ZDHHC2: variants seen among roughly 807,000 people sequenced by gnomAD.
The protein encoded by ZDHHC2 is zDHHC palmitoyltransferase 2.
A neutral mutation model predicts 55.6 loss-of-function variants in ZDHHC2; 51 were observed. The observed-to-expected ratio is 0.92, with a 90% CI of 0.73 to 1.16. The LOEUF is 1.16. Among genes scored for constraint, ZDHHC2 ranks in the 50% most tolerant of loss-of-function variants. The probability of loss-of-function intolerance (pLI) is 0.00; values close to 1 mark genes in which losing one functional copy is unlikely to be tolerated. For synonymous variants in ZDHHC2, 199 were observed against 152.9 expected (o/e 1.30, Z -2.22); for missense variants, 491 against 442.4 (o/e 1.11, Z -0.99).
chr8:17,157,497 A>G (rs993907185), intron 1 of ZDHHC2: 3 of 152,236 alleles, frequency 2.0e-5, no homozygotes, highest in Non-Finnish European at 4.4e-5. Flanking sequence ...AGGGAGAGAA[A>G]AAAAGAGGTG....
intron 10 of ZDHHC2, among the ~76,000 whole-genome samples, chr8:17,211,788 G>C (rs1807395936): frequency 6.6e-6 from 1 of 152,062 alleles, no homozygotes; most frequent in Non-Finnish European, 1.5e-5. Flanking sequence ...ATGGGCATCA[G>C]AGTTTTTTAC....
At chr8:17,178,901 A>G (rs1210281947) in intron 1 of ZDHHC2, among the ~76,000 whole-genome samples, 1 of 152,210 alleles carries the variant, frequency 6.6e-6, no homozygotes, top group East Asian at 1.9e-4. Context: ...TACCAATTCT[A>G]AACTGAGGAC....
At chr8:17,182,546 A>T (rs1265722696) in intron 1 of ZDHHC2, among the ~76,000 whole-genome samples, 1 of 152,180 alleles carries the variant, frequency 6.6e-6, no homozygotes, top group African/African-American at 2.4e-5. Flanking sequence ...TTACACAATT[A>T]TTTACTATAA....
At chr8:17,203,014 A>G (rs1304758336) in intron 6 of ZDHHC2, among the ~76,000 whole-genome samples, 1 of 150,386 alleles carries the variant, frequency 6.6e-6, no homozygotes, top group Non-Finnish European at 1.5e-5. Flanking sequence ...ATCCCTTCCA[A>G]TTTCTTCCTA....
At chr8:17,217,048 C>A in intron 11 of ZDHHC2, 124 bp from the exon 12 acceptor site, 6 of 814,784 alleles carry the variant, frequency 7.4e-6, no homozygotes, top group Non-Finnish European at 1.2e-5. Context: ...TTATATATAC[C>A]CTTATTATGT....
At chr8:17,166,288 C>G (rs1359457869) in intron 1 of ZDHHC2, among the ~76,000 whole-genome samples, 1 of 152,144 alleles carries the variant, frequency 6.6e-6, no homozygotes, top group African/African-American at 2.4e-5. Flanking sequence ...ACAGTAGCGA[C>G]AGCAGAACTC....
At chr8:17,169,672 G>C (rs1462009665) in intron 1 of ZDHHC2, among the ~76,000 whole-genome samples, 1 of 152,134 alleles carries the variant, frequency 6.6e-6, no homozygotes, top group Non-Finnish European at 1.5e-5. Flanking sequence ...TAAATGAAGA[G>C]CAAGGTTTCT....
At chr8:17,168,538 G>C (rs1477883988) in intron 1 of ZDHHC2, among the ~76,000 whole-genome samples, 1 of 152,044 alleles carries the variant, frequency 6.6e-6, no homozygotes, top group Non-Finnish European at 1.5e-5. Context: ...TAAGTATACA[G>C]ATTAGTGTCA....
At chr8:17,162,005 A>C (rs1211328909) in intron 1 of ZDHHC2, among the ~76,000 whole-genome samples, 1 of 152,248 alleles carries the variant, frequency 6.6e-6, no homozygotes, top group African/African-American at 2.4e-5. Flanking sequence ...CATTTCTTCA[A>C]ATCAAAAATT....
At chr8:17,212,787 C>T (rs1563170054) in intron 10 of ZDHHC2, among the ~76,000 whole-genome samples, 1 of 152,086 alleles carries the variant, frequency 6.6e-6, no homozygotes, top group African/African-American at 2.4e-5. Context: ...GATCTGACCC[C>T]AGACAGTCAT....
chr8:17,200,660 C>A (rs1003706556), intron 6 of ZDHHC2, among the ~76,000 whole-genome samples: 1 of 152,178 alleles, frequency 6.6e-6, no homozygotes, highest in Non-Finnish European at 1.5e-5. Context: ...AGTAATTTTG[C>A]TAAATCAACA....
At chr8:17,188,332 A>T (rs1044391277) in intron 3 of ZDHHC2, among the ~76,000 whole-genome samples, 7 of 151,692 alleles carry the variant, frequency 4.6e-5, no homozygotes, top group Non-Finnish European at 5.9e-5. Context: ...TTGTGATTCC[A>T]TATATCCCAC....
intron 1 of ZDHHC2, 69 bp from the exon 2 acceptor site, chr8:17,184,720 C>T (rs571583874): frequency 6.0e-6 from 8 of 1,333,064 alleles, no homozygotes; most frequent in African/African-American, 1.5e-5. Context: ...ACTTAAATGC[C>T]TTATGTCTGT....
chr8:17,182,734 A>T (rs927850676), intron 1 of ZDHHC2, among the ~76,000 whole-genome samples: 4 of 152,160 alleles, frequency 2.6e-5, no homozygotes, highest in African/African-American at 9.7e-5. Flanking sequence ...GGTCAAAAAG[A>T]TTAGCAACTC....
chr8:17,175,243 G>T (rs1008610961), intron 1 of ZDHHC2, among the ~76,000 whole-genome samples: 8 of 152,176 alleles, frequency 5.3e-5, no homozygotes, highest in Non-Finnish European at 1.2e-4. Context: ...TGGGTTGCAG[G>T]TGTGGGTGGG....
At chr8:17,160,677 C>G (rs961575888) in intron 1 of ZDHHC2, among the ~76,000 whole-genome samples, 4 of 152,180 alleles carry the variant, frequency 2.6e-5, no homozygotes, top group African/African-American at 9.7e-5. Context: ...AGAGAGTTGA[C>G]AGAGCTCTGA....
At chr8:17,178,698 G>C (rs537838791) in intron 1 of ZDHHC2, among the ~76,000 whole-genome samples, 3 of 152,278 alleles carry the variant, frequency 2.0e-5, no homozygotes, top group Admixed American at 1.3e-4. Flanking sequence ...AGATAAGGGA[G>C]GTATACATTT....
At chr8:17,199,377 C>T (rs1281875654) in intron 6 of ZDHHC2, among the ~76,000 whole-genome samples, 2 of 151,884 alleles carry the variant, frequency 1.3e-5, no homozygotes, top group African/African-American at 2.4e-5. Context: ...TTGATACTTG[C>T]ACTCATTCTT....
At chr8:17,179,507 C>T (rs890031520) in intron 1 of ZDHHC2, among the ~76,000 whole-genome samples, 1 of 152,070 alleles carries the variant, frequency 6.6e-6, no homozygotes, top group African/African-American at 2.4e-5. Context: ...CTACTGGGCT[C>T]AATCAGTTCT....
Sources: allele counts gnomAD v4.1 joint callset (sites outside exome capture counted in the v4.1 genomes callset), GRCh38; gene constraint gnomAD v4.1.1; transcripts MANE v1.5; gene names NCBI Gene and HGNC (gene_info 2026-07-23, HGNC 2026-07-21).